Variants in CFAP54 observed in about 807,000 individuals in gnomAD.
CFAP54 encodes the protein cilia and flagella associated protein 54.
A neutral mutation model predicts 370.4 loss-of-function variants in CFAP54; 290 were observed. The ratio of observed to expected loss-of-function variants is 0.78; its 90% confidence interval spans 0.71 to 0.86. The LOEUF is 0.86. Ranked by LOEUF, CFAP54 falls within the 40% of genes least tolerant of loss-of-function variation. The pLI is 0.00. For missense variants in CFAP54, 3,399 were observed against 3,528.7 expected, an observed-to-expected ratio of 0.96 and a Z score of 0.93; for synonymous variants, 1,206 against 1,236.5, an observed-to-expected ratio of 0.98 and a Z score of 0.52.
rs900755536 is a variant in CFAP54, at chr12:96,527,594, T to G, written c.1357+150T>G. On this transcript the variant is annotated intron_variant, in intron 9 of 67. Coordinates refer to ENST00000524981, the MANE Select transcript of CFAP54 (RefSeq NM_001306084.2). ...TTGTTTGTTTGTTTTTGAGATAAGGTCTCTCTTTGTCACCCAGACTGGAGT... is the reference window on the plus strand; with the variant it reads ...TTGTTTGTTTGTTTTTGAGATAAGGGCTCTCTTTGTCACCCAGACTGGAGT... 6 of 539,200 alleles carry G rather than the reference T, an allele frequency of 1.1e-5. No homozygotes were observed. In the East Asian group the frequency reaches 1.9e-4, roughly 17 times the overall value. 33.4% of individuals were successfully genotyped at this position (539,200 alleles called of 1,614,324 possible). A position where few individuals can be genotyped will look rare whatever the true frequency, so the allele number is the denominator to read the frequency against.
At chr12:96,509,400 T>C (rs1035265011) in intron 4 of CFAP54, among the ~76,000 whole-genome samples, 1 of 152,236 alleles carries the variant, frequency 6.6e-6, no homozygotes, top group Non-Finnish European at 1.5e-5. Context: ...CAAATGTGCC[T>C]TGATAACTTA....
Position 96,685,236 on chromosome 12 carries a change from A to G in CFAP54, c.6012A>G (p.Ala2004=). 2 of 1,613,722 alleles carry G rather than the reference A, an allele frequency of 1.2e-6. No individual in the cohort carries two copies. The highest frequency in any genetic ancestry group is 8.5e-7 in the Non-Finnish European group (1 of 1,179,744). The change falls in exon 42 of 68, where the codon GCA becomes GCG. Residue 2004 remains alanine (A), a splice_region_variant and synonymous_variant. Transcript: ENST00000524981. ...GAGCAGTCATATCAGCAAAGATAGCACAGTGAGTGTGAGGATGGAAGGATC... is the reference window on the plus strand; with the variant it reads ...GAGCAGTCATATCAGCAAAGATAGCGCAGTGAGTGTGAGGATGGAAGGATC... ...LQGAVISAKI[A]QFIKSLNVEK...
At chr12:96,513,190 C>T in intron 5 of CFAP54, 146 bp downstream of exon 5, 1 of 280,432 alleles carries the variant, frequency 3.6e-6, no homozygotes, top group Non-Finnish European at 6.3e-6. Context: ...TATTATATAG[C>T]TTTATTATTC....
intron 6 of CFAP54, among the ~76,000 whole-genome samples, chr12:96,520,627 C>A (rs1458525631): frequency 6.6e-6 from 1 of 152,136 alleles, no homozygotes; most frequent in East Asian, 1.9e-4. Flanking sequence ...TATGTGACAC[C>A]TGGCTTGGTC....
chr12:96,612,278 C>T (rs1956366795), intron 26 of CFAP54, among the ~76,000 whole-genome samples: 2 of 152,150 alleles, frequency 1.3e-5, no homozygotes, highest in East Asian at 1.9e-4. Context: ...ATTTCATATC[C>T]AGCCAAACTA....
At chr12:96,690,710 C>T (rs1592710436) in intron 43 of CFAP54, among the ~76,000 whole-genome samples, 1 of 151,970 alleles carries the variant, frequency 6.6e-6, no homozygotes, top group East Asian at 1.9e-4. Context: ...TTTCTGCCAT[C>T]GTTAGCTGTG....
chr12:96,750,293 C>A (rs537140423), intron 55 of CFAP54, among the ~76,000 whole-genome samples: 4 of 151,798 alleles, frequency 2.6e-5, no homozygotes, highest in Non-Finnish European at 5.9e-5. Context: ...CCTGCAGCAG[C>A]AGCAGCAGCA....
intron 67 of CFAP54, among the ~76,000 whole-genome samples, chr12:96,874,019 T>C (rs1031546751): frequency 1.3e-5 from 2 of 152,190 alleles, no homozygotes; most frequent in Non-Finnish European, 2.9e-5. Flanking sequence ...AAGATAACCC[T>C]ATCCAGTACC....
chr12:96,512,984 A>G lies in CFAP54; in HGVS notation c.740-2A>G. 3.3e-6 allele frequency: 5 copies of G among 1,514,222 alleles called. No homozygotes were observed. Among genetic ancestry groups the G allele is most frequent in the Non-Finnish European group, 4.4e-6 (5 of 1,132,852 alleles). The allele number at this position is 1,514,222 out of a possible 1,614,324, so 93.8% of individuals were successfully genotyped here. On this transcript the variant is annotated splice_acceptor_variant, in intron 4 of 67. Coordinates refer to ENST00000524981, the MANE Select transcript of CFAP54 (RefSeq NM_001306084.2). LOFTEE classifies it high-confidence loss of function. The stretch of plus-strand genomic sequence containing the variant: ...ATGTTAACAATCGTTTTCTCCATCC[A>G]GGTACCATTTATATTTACACCATTT...
intron 60 of CFAP54, among the ~76,000 whole-genome samples, chr12:96,771,540 T>C (rs892546054): frequency 2.6e-5 from 4 of 152,154 alleles, no homozygotes; most frequent in African/African-American, 9.7e-5. Context: ...TAGTCCCAGC[T>C]ACTCGGGAGG....
intron 66 of CFAP54, among the ~76,000 whole-genome samples, chr12:96,835,906 T>A (rs1374068997): frequency 1.3e-5 from 2 of 152,060 alleles, no homozygotes; most frequent in African/African-American, 4.8e-5. Context: ...GAGTGGCTGC[T>A]GCCATCATTA....
At chr12:96,642,261 T>C (rs954614035) in intron 32 of CFAP54, among the ~76,000 whole-genome samples, 3 of 152,154 alleles carry the variant, frequency 2.0e-5, no homozygotes, top group Non-Finnish European at 4.4e-5. Flanking sequence ...TACCACAAGA[T>C]GTTCATCTTG....
At chr12:96,507,448 A>T (rs539452505) in intron 4 of CFAP54, among the ~76,000 whole-genome samples, 1 of 152,076 alleles carries the variant, frequency 6.6e-6, no homozygotes, top group Non-Finnish European at 1.5e-5. Context: ...CCCTGTCCTC[A>T]AACAACTTGG....
At chr12:96,813,277 A>G (rs1958944520) in intron 64 of CFAP54, among the ~76,000 whole-genome samples, 1 of 152,202 alleles carries the variant, frequency 6.6e-6, no homozygotes, top group Admixed American at 6.5e-5. Flanking sequence ...ACCATGCCCA[A>G]CAATCTTTTA....
intron 66 of CFAP54, among the ~76,000 whole-genome samples, chr12:96,830,771 T>G (rs891186335): frequency 1.3e-5 from 2 of 152,056 alleles, no homozygotes; most frequent in Non-Finnish European, 2.9e-5. Flanking sequence ...CTCCACTTGC[T>G]GGGTTCAAGT....
At position 96,504,163 on chromosome 12, in the gene CFAP54, A is replaced by G. The variant is rs180876897; in HGVS notation, c.567+134A>G. ...GTGTGCTATAAGTTGCTTAATAAAT[A>G]CTTTCAGTGCTGGATAAGAAAGTGA... On this transcript the variant is annotated intron_variant, in intron 3 of 67. Coordinates refer to ENST00000524981, the MANE Select transcript of CFAP54 (RefSeq NM_001306084.2). 17 of 782,884 alleles carry G rather than the reference A, an allele frequency of 2.2e-5. No homozygotes were observed. The East Asian group carries it at 4.6e-4, about 21-fold the overall frequency. 48.5% of individuals were successfully genotyped at this position (782,884 alleles called of 1,614,324 possible).
chr12:96,533,750 T>A, intron 9 of CFAP54, 42 bp from the exon 10 acceptor site: 1 of 1,340,076 alleles, frequency 7.5e-7, no homozygotes, highest in Non-Finnish European at 9.9e-7. Context: ...TAAATATTTA[T>A]TTGCATGAGT....
At chr12:96,519,518 C>G (rs1462287683) in intron 6 of CFAP54, among the ~76,000 whole-genome samples, 1 of 152,174 alleles carries the variant, frequency 6.6e-6, no homozygotes, top group South Asian at 2.1e-4. Flanking sequence ...TTTATTTGCA[C>G]AAATTGGCTT....
chr12:96,847,156 A>G (rs1042507584), intron 66 of CFAP54, among the ~76,000 whole-genome samples: 1 of 152,184 alleles, frequency 6.6e-6, no homozygotes. Context: ...CAATTTATAA[A>G]GGATACAGGA....
Sources: allele counts gnomAD v4.1 joint callset (sites outside exome capture counted in the v4.1 genomes callset), GRCh38; gene constraint gnomAD v4.1.1; transcripts MANE v1.5; gene names NCBI Gene and HGNC (gene_info 2026-07-23, HGNC 2026-07-21).